The following ADAMTS10 variants were observed in gnomAD, a reference collection of about 807,000 sequenced individuals.
ADAMTS10 encodes the protein A disintegrin and metalloproteinase with thrombospondin motifs 10.
In ADAMTS10, 48 loss-of-function variants were observed where a neutral mutation model predicts 135.9. That is an observed-to-expected ratio of 0.35 (90% CI 0.28 to 0.45). The LOEUF is 0.45. Among genes scored for constraint, ADAMTS10 ranks in the 20% least tolerant of loss-of-function variants. The probability of loss-of-function intolerance (pLI) is 1.00; values close to 1 mark genes in which losing one functional copy is unlikely to be tolerated. For missense variants in ADAMTS10, 1,131 were observed against 1,565.2 expected, an observed-to-expected ratio of 0.72 and a Z score of 4.68; for synonymous variants, 621 against 647.5, an observed-to-expected ratio of 0.96 and a Z score of 0.62.
At chr19:8,589,810 GC>G in intron 16 of ADAMTS10, 78 bp downstream of exon 16, 6 of 1,482,818 alleles carry the variant, frequency 4.0e-6, no homozygotes, top group Non-Finnish European at 5.6e-6. Context: ...ACCCCGGGAT[GC>G]TGCATTCATC....
rs145420448 is a variant in ADAMTS10 at position 8,591,803 on chromosome 19, C to G, written c.1794G>C (p.Thr598=). 18 of 1,613,714 alleles carry G rather than the reference C, an allele frequency of 1.1e-5. No individual in the cohort carries two copies. The highest frequency in any genetic ancestry group is 1.5e-5 in the Non-Finnish European group (18 of 1,180,034). The part of the protein sequence containing the change: ...GERRRHRSCN[T]DDCPPGSQDF... ...CAAGGGGTTTGGGGGAACTCACATC[C>G]GTGTTGCAGGAGCGGTGCCGCCTTC... Residue 598 remains threonine, a synonymous_variant, in exon 15 of 26, where the codon ACG becomes ACC. Transcript: ENST00000597188.
chr19:8,608,977 G>T (rs1413532500), intron 1 of ADAMTS10, among the ~76,000 whole-genome samples: 1 of 150,742 alleles, frequency 6.6e-6, no homozygotes, highest in Non-Finnish European at 1.5e-5. Context: ...GGGTGGTGTC[G>T]AGGTGTGACA....
intron 18 of ADAMTS10, among the ~76,000 whole-genome samples, chr19:8,587,453 C>A (rs1170281482): frequency 7.3e-6 from 1 of 137,102 alleles, no homozygotes; most frequent in Non-Finnish European, 1.5e-5. Context: ...CTGGGAGCAC[C>A]GGTATGAGCC....
In ADAMTS10 at chr19:8,583,079, C is replaced by T. The variant is rs574109041; in HGVS notation, c.3202+1816G>A. 1.2e-4 allele frequency among the ~76,000 whole-genome samples: 18 copies of T among 152,222 alleles called. 1 individual carries two copies. The highest frequency in any genetic ancestry group is 1.0e-3 in the South Asian group (5 of 4,828). On this transcript the variant is annotated intron_variant, in intron 25 of 25. Transcript: ENST00000597188. The stretch of plus-strand genomic sequence containing the variant: ...GATTACAGGCATGAGCCACCTCGCC[C>T]GGCCTGGGTGGATCATTTTATTGCA...
intron 18 of ADAMTS10, among the ~76,000 whole-genome samples, chr19:8,587,674 A>T (rs562231234): frequency 6.6e-5 from 10 of 151,952 alleles, no homozygotes; most frequent in Non-Finnish European, 1.0e-4. Flanking sequence ...GGTCACGCCT[A>T]TAATCCCAGC....
In ADAMTS10 at chr19:8,589,447, T is replaced by A; in HGVS notation, c.2034+5A>T. 4 of 1,259,530 alleles carry A rather than the reference T, an allele frequency of 3.2e-6. No homozygotes were observed. Among genetic ancestry groups the A allele is most frequent in the Non-Finnish European group, 4.1e-6 (4 of 974,574 alleles). 78.0% of individuals were successfully genotyped at this position (1,259,530 alleles called of 1,614,324 possible). On this transcript the variant is annotated splice_donor_5th_base_variant and intron_variant, in intron 17 of 25. Coordinates refer to ENST00000597188, the MANE Select transcript of ADAMTS10 (RefSeq NM_030957.4). ...CCTCTCCACCTCCCTGGGAGTCCCCTCCACCTTGCATTCGCCACTGACGCA... is the reference window on the plus strand; with the variant it reads ...CCTCTCCACCTCCCTGGGAGTCCCCACCACCTTGCATTCGCCACTGACGCA...
Position 8,601,215 on chromosome 19 carries a change from T to C in ADAMTS10, c.593-70A>G, listed in dbSNP as rs2042666627. ...ACGCAGAGCTGCCTGACAACTGTCT[T>C]GTCCAACCTCTGACTGGCTACCTCT... is the stretch of plus-strand genomic sequence containing the variant. On this transcript the variant is annotated intron_variant, in intron 5 of 25. Coordinates refer to ENST00000597188, the MANE Select transcript of ADAMTS10 (RefSeq NM_030957.4). The surrounding 1 kb of genome is among the most constrained non-coding windows in gnomAD (Gnocchi z 4.6). 3.3e-6 allele frequency: 5 copies of C among 1,532,586 alleles called. No individual in the cohort carries two copies. The highest frequency in any genetic ancestry group is 4.4e-6 in the Non-Finnish European group (5 of 1,126,898). The allele number at this position is 1,532,586 out of a possible 1,614,324, so 94.9% of individuals were successfully genotyped here.
At chr19:8,586,532 C>A in intron 20 of ADAMTS10, 26 bp downstream of exon 20, 1 of 1,613,128 alleles carries the variant, frequency 6.2e-7, no homozygotes, top group Non-Finnish European at 8.5e-7. Flanking sequence ...CCAAAGGCTG[C>A]ACCTTGCCCC....
intron 6 of ADAMTS10, 148 bp downstream of exon 6, chr19:8,600,780 G>A (rs1008378610): frequency 2.0e-4 from 191 of 957,490 alleles, no homozygotes; most frequent in Non-Finnish European, 2.4e-4. Flanking sequence ...TTACAGGTGT[G>A]AGCCACCGCG....
chr19:8,605,128 A>C lies in ADAMTS10; in HGVS notation c.319T>G (p.Trp107Gly), dbSNP rs782070838. ...LLAGHVSVEYWTREGLAWQRA... is the reference protein window; with the variant it reads ...LLAGHVSVEYGTREGLAWQRA... ...TGCCAGGCCAGGCCCTCCCGTGTCC[A>C]GTACTCCACGGAGACGTGCCCTGCC... Residue 107 changes from tryptophan (W) to glycine (G), a missense_variant, in exon 4 of 26, where the codon TGG becomes GGG. Physicochemically the swap from Trp to Gly is radical, Grantham distance 184 (BLOSUM62 -2). Around this residue, in one of 3 missense-constraint regions of ADAMTS10, gnomAD observed 306 missense variants for 344.4 expected, o/e 0.89. Coordinates refer to ENST00000597188, the MANE Select transcript of ADAMTS10 (RefSeq NM_030957.4). This position sits in a 1 kb window ranked among gnomAD's most constrained non-coding sequence, Gnocchi z 7.7. The C allele has an allele frequency of 6.2e-7, 1 of 1,613,714 alleles. No individual in the cohort carries two copies. Among genetic ancestry groups the C allele is most frequent in the Admixed American group, 1.7e-5 (1 of 60,016 alleles).
At chr19:8,608,419 AC>A (rs1428665501) in intron 1 of ADAMTS10, among the ~76,000 whole-genome samples, 171 bp from the exon 2 acceptor site, 4 of 150,630 alleles carry the variant, frequency 2.7e-5, no homozygotes, top group Non-Finnish European at 5.9e-5. Context: ...ACAAAAACCC[AC>A]CTCCTCTCCC....
Position 8,596,212 on chromosome 19 carries a change from T to C in ADAMTS10, c.1198A>G (p.Met400Val). The change falls in exon 11 of 26, where the codon ATG (methionine) becomes GTG (valine). Residue 400 changes from methionine (M) to valine (V), a missense_variant. Met to Val is a conservative substitution (Grantham distance 21). This residue lies in a region of ADAMTS10 where 745 missense variants were observed against 1,056.3 expected (regional missense o/e 0.71). Coordinates refer to ENST00000597188, the MANE Select transcript of ADAMTS10 (RefSeq NM_030957.4). The surrounding 1 kb of genome is among the most constrained non-coding windows in gnomAD (Gnocchi z 7.2). ...IAHEIGHTFGMNHDGVGNSCG... is the reference protein window; with the variant it reads ...IAHEIGHTFGVNHDGVGNSCG... Reference sequence around the variant, plus strand: ...CTGTTTCCCACGCCGTCATGGTTCATGCCGAATCTGGGGAAAGGGGTGTCG... The same window carrying C: ...CTGTTTCCCACGCCGTCATGGTTCACGCCGAATCTGGGGAAAGGGGTGTCG... The C allele has an allele frequency of 6.2e-7, 1 of 1,613,982 alleles. No individual in the cohort carries two copies. Among genetic ancestry groups the C allele is most frequent in the Non-Finnish European group, 8.5e-7 (1 of 1,180,022 alleles).
At position 8,584,977 on chromosome 19, in the gene ADAMTS10, C is replaced by T. The variant is rs782030305; in HGVS notation, c.3120G>A (p.Glu1040=). The T allele has an allele frequency of 6.5e-7, 1 of 1,545,766 alleles. No homozygotes were observed. ...CTSHTGQASH[E]CTEALRPPTT... is the part of the protein sequence containing the mutation. ...TGGGCGGCCGCAGGGCCTCCGTGCA[C>T]TCGTGCGACGCCTGGCCCGTGTGGC... The change falls in exon 25 of 26, where the codon GAG becomes GAA. Residue 1040 remains glutamate, a synonymous_variant. Coordinates refer to ENST00000597188, the MANE Select transcript of ADAMTS10 (RefSeq NM_030957.4).
intron 14 of ADAMTS10, 23 bp downstream of exon 14, chr19:8,591,935 G>T (rs782543654): frequency 1.2e-6 from 2 of 1,611,550 alleles, no homozygotes; most frequent in South Asian, 2.2e-5. Flanking sequence ...CTGCCCTCCC[G>T]GGTGGGGGTC....
rs2146103444 is a variant in ADAMTS10 at position 8,605,423 on chromosome 19, T to C, written c.89-65A>G. 1.3e-6 allele frequency: 2 copies of C among 1,517,126 alleles called. No individual in the cohort carries two copies. Among genetic ancestry groups the C allele is most frequent in the South Asian group, 1.2e-5 (1 of 83,448 alleles). The allele number at this position is 1,517,126 out of a possible 1,614,324, so 94.0% of individuals were successfully genotyped here. ...TTATTGGACCCCTGTGTCCTGGCTG[T>C]TAGGCTGCTGGAGCAAGTGATGCTG... is the stretch of plus-strand genomic sequence containing the variant. On this transcript the variant is annotated intron_variant, in intron 3 of 25. Transcript: ENST00000597188. This position sits in a 1 kb window ranked among gnomAD's most constrained non-coding sequence, Gnocchi z 7.7.
intron 18 of ADAMTS10, among the ~76,000 whole-genome samples, chr19:8,587,971 G>A (rs564027135): frequency 6.6e-6 from 1 of 151,148 alleles, no homozygotes; most frequent in African/African-American, 2.4e-5. Context: ...GAGTTTGGCC[G>A]GGTGTGGTGG....
In ADAMTS10 at chr19:8,608,528, C is replaced by T. The variant is rs145259757; in HGVS notation, c.-214-280G>A. Among the ~76,000 whole-genome samples the T allele has an allele frequency of 2.0e-3, 303 of 152,218 alleles. 2 individuals are homozygous for T. Among genetic ancestry groups the T allele is most frequent in the Non-Finnish European group, 3.2e-3 (217 of 68,010 alleles). On this transcript the variant is annotated intron_variant, in intron 1 of 25. Coordinates refer to ENST00000597188, the MANE Select transcript of ADAMTS10 (RefSeq NM_030957.4). ...TTCCTGGTTGGGCACCTCTGACCCC[C>T]GCTCCTGCCCTGAGCCACCCCTGAA...
In ADAMTS10 at chr19:8,596,911, C is replaced by T; in HGVS notation, c.1040+76G>A. On this transcript the variant is annotated intron_variant, in intron 8 of 25. Coordinates refer to ENST00000597188, the MANE Select transcript of ADAMTS10 (RefSeq NM_030957.4). The surrounding 1 kb of genome is among the most constrained non-coding windows in gnomAD (Gnocchi z 7.2). Reference sequence around the variant, plus strand: ...TCCTCCTGACCCTAGCAGAAGTGATCTCTGTTTGGACTCTCATGGTTCCCT... The same window carrying T: ...TCCTCCTGACCCTAGCAGAAGTGATTTCTGTTTGGACTCTCATGGTTCCCT... The T allele has an allele frequency of 6.3e-7, 1 of 1,596,976 alleles. No individual in the cohort carries two copies. The highest frequency in any genetic ancestry group is 8.5e-7 in the Non-Finnish European group (1 of 1,176,056).
Position 8,589,743 on chromosome 19 carries a change from C to G in ADAMTS10, c.1900+146G>C. The G allele has an allele frequency of 4.9e-6, 7 of 1,418,840 alleles. No individual in the cohort carries two copies. The South Asian group carries it at 7.4e-5, about 15-fold the overall frequency. 87.9% of individuals were successfully genotyped at this position (1,418,840 alleles called of 1,614,324 possible). On this transcript the variant is annotated intron_variant, in intron 16 of 25. Transcript: ENST00000597188. ...GGCTCCCAGCGTCACGTTGAACCCCCATGGTACCGTATCCCAGGTACTCTG... is the reference window on the plus strand; with the variant it reads ...GGCTCCCAGCGTCACGTTGAACCCCGATGGTACCGTATCCCAGGTACTCTG...
Sources: allele counts gnomAD v4.1 joint callset (sites outside exome capture counted in the v4.1 genomes callset), GRCh38; gene constraint gnomAD v4.1.1; regional missense constraint gnomAD v4.1.1; non-coding constraint Gnocchi (gnomAD v3.1); transcripts MANE v1.5; gene names NCBI Gene and HGNC (gene_info 2026-07-23, HGNC 2026-07-21).